The following CDK5RAP2 variants were observed in gnomAD, a reference collection of about 807,000 sequenced individuals.
The protein encoded by CDK5RAP2 is CDK5 regulatory subunit-associated protein 2.
Under a neutral mutation model 232.9 loss-of-function variants are expected in CDK5RAP2, and 147 were observed. That is an observed-to-expected ratio of 0.63 (90% CI 0.55 to 0.72). The LOEUF is 0.72. CDK5RAP2 is among the 30% of genes least tolerant of loss of function. The pLI, the probability that CDK5RAP2 is intolerant of heterozygous loss-of-function variation, is 0.00. For synonymous variants in CDK5RAP2, 833 were observed against 833.7 expected, an observed-to-expected ratio of 1.00 and a Z score of 0.01; for missense variants, 2,195 against 2,231.5, an observed-to-expected ratio of 0.98 and a Z score of 0.33.
intron 14 of CDK5RAP2, among the ~76,000 whole-genome samples, chr9:120,479,826 A>C (rs2038209669): frequency 6.6e-6 from 1 of 152,210 alleles, no homozygotes; most frequent in South Asian, 2.1e-4. Flanking sequence ...CAACTGATGA[A>C]ATTCAAATGA....
At chr9:120,508,620 C>CA (rs1169688884) in intron 12 of CDK5RAP2, among the ~76,000 whole-genome samples, 1 of 152,202 alleles carries the variant, frequency 6.6e-6, no homozygotes, top group Non-Finnish European at 1.5e-5. Context: ...GAGCCAGGCT[C>CA]ATTCATGGAC....
In CDK5RAP2 at chr9:120,403,235, T is replaced by C. The variant is rs1460667252; in HGVS notation, c.5042-164A>G. 1.6e-6 allele frequency: 1 copy of C among 644,514 alleles called. No individual in the cohort carries two copies. The highest frequency in any genetic ancestry group is 1.8e-5 in the African/African-American group (1 of 54,874). 39.9% of individuals were successfully genotyped at this position (644,514 alleles called of 1,614,324 possible). On this transcript the variant is annotated intron_variant, in intron 33 of 37. Transcript: ENST00000349780. This position sits in a 1 kb window ranked among gnomAD's most constrained non-coding sequence, Gnocchi z 4.2. ...AAAGAGGCACGCTCCTGGACCTCTG[T>C]ATATTACCCCACACTGGGCTTATGA...
At chr9:120,477,766 T>C (rs76628072) in intron 14 of CDK5RAP2, among the ~76,000 whole-genome samples, 3 of 152,212 alleles carry the variant, frequency 2.0e-5, no homozygotes, top group African/African-American at 7.2e-5. Context: ...CTGCTGTTCA[T>C]CGTTTTTAAA....
rs776249709 is a variant in CDK5RAP2, at chr9:120,518,570, T to C, written c.1168A>G (p.Lys390Glu). ...CGCAGTCTGTGGTTCTCTGTACTCTTGGTGAGGTTTTGTGAGCGCAGCGCA... is the reference window on the plus strand; with the variant it reads ...CGCAGTCTGTGGTTCTCTGTACTCTCGGTGAGGTTTTGTGAGCGCAGCGCA... ...SAALRSQNLT[K>E]STENHRLRRS... Residue 390 changes from lysine (K) to glutamate (E), a missense_variant, in exon 12 of 38, where the codon AAG becomes GAG. Lys to Glu is a moderately conservative substitution (Grantham distance 56, BLOSUM62 1). Coordinates refer to ENST00000349780, the MANE Select transcript of CDK5RAP2 (RefSeq NM_018249.6). 6.2e-7 allele frequency: 1 copy of C among 1,613,638 alleles called. No individual in the cohort carries two copies. The highest frequency in any genetic ancestry group is 1.3e-5 in the African/African-American group (1 of 74,818).
intron 26 of CDK5RAP2, among the ~76,000 whole-genome samples, chr9:120,420,827 G>A (rs559260460): frequency 1.3e-5 from 2 of 152,348 alleles, no homozygotes; most frequent in South Asian, 4.1e-4. Context: ...GCTTGCTGCT[G>A]GCTTGCAGAA....
At chr9:120,411,539 T>A in intron 28 of CDK5RAP2, 65 bp from the exon 29 acceptor site, 1 of 880,846 alleles carries the variant, frequency 1.1e-6, no homozygotes, top group Non-Finnish European at 1.9e-6. Flanking sequence ...CAGAACTTTC[T>A]AGAAAGCAGT....
intron 28 of CDK5RAP2, among the ~76,000 whole-genome samples, 166 bp from the exon 29 acceptor site, chr9:120,411,640 G>A (rs2033855786): frequency 6.6e-6 from 1 of 152,218 alleles, no homozygotes; most frequent in Non-Finnish European, 1.5e-5. Flanking sequence ...ATGAGAGTAA[G>A]CTTGAAAGAG....
At chr9:120,528,855 G>A in intron 8 of CDK5RAP2, 58 bp from the exon 9 acceptor site, 1 of 1,185,310 alleles carries the variant, frequency 8.4e-7, no homozygotes, top group Non-Finnish European at 1.3e-6. Flanking sequence ...AGCTTCTCCA[G>A]AACAATTAGA....
chr9:120,519,621 C>T (rs1005550964), intron 11 of CDK5RAP2, among the ~76,000 whole-genome samples: 1 of 152,192 alleles, frequency 6.6e-6, no homozygotes, highest in Non-Finnish European at 1.5e-5. Context: ...CAGCAACTGC[C>T]CATCCAACCT....
chr9:120,443,835 G>A, intron 22 of CDK5RAP2, 93 bp from the exon 23 acceptor site: 1 of 1,557,980 alleles, frequency 6.4e-7, no homozygotes, highest in Non-Finnish European at 8.7e-7. Context: ...GATACAACAG[G>A]GAAAATAAAA....
At chr9:120,420,460 C>G (rs1052352653) in intron 26 of CDK5RAP2, among the ~76,000 whole-genome samples, 2 of 152,238 alleles carry the variant, frequency 1.3e-5, no homozygotes, top group African/African-American at 4.8e-5. Context: ...AGAGCCCAGC[C>G]CAAAACCATG....
At chr9:120,540,021 G>C (rs2041560331) in intron 5 of CDK5RAP2, among the ~76,000 whole-genome samples, 1 of 152,146 alleles carries the variant, frequency 6.6e-6, no homozygotes, top group African/African-American at 2.4e-5. Context: ...CTACCACTTA[G>C]GGCATAAAAA....
chr9:120,474,638 G>C (rs1403098377), intron 15 of CDK5RAP2, among the ~76,000 whole-genome samples: 1 of 152,216 alleles, frequency 6.6e-6, no homozygotes, highest in Non-Finnish European at 1.5e-5. Flanking sequence ...CTTCACTGCG[G>C]AACACCGGGT....
At chr9:120,424,487 G>A (rs1383656588) in intron 25 of CDK5RAP2, among the ~76,000 whole-genome samples, 1 of 152,080 alleles carries the variant, frequency 6.6e-6, no homozygotes, top group Admixed American at 6.5e-5. Flanking sequence ...TAATGGGCAG[G>A]GACAACTGTG....
chr9:120,448,669 G>A (rs559716818), intron 21 of CDK5RAP2, among the ~76,000 whole-genome samples: 12 of 152,234 alleles, frequency 7.9e-5, no homozygotes, highest in African/African-American at 2.4e-4. Context: ...CCGTGTCTCC[G>A]CTGCAAATCT....
intron 3 of CDK5RAP2, among the ~76,000 whole-genome samples, chr9:120,566,720 C>A (rs538150383): frequency 1.3e-5 from 2 of 152,334 alleles, no homozygotes; most frequent in South Asian, 4.2e-4. Flanking sequence ...GGCCACAGGG[C>A]ACCCAGGAGA....
chr9:120,476,660 C>A (rs1011253571), intron 15 of CDK5RAP2, among the ~76,000 whole-genome samples: 4 of 144,956 alleles, frequency 2.8e-5, no homozygotes, highest in Middle Eastern at 6.8e-3. Flanking sequence ...GCCTGGGCAA[C>A]AGAGCAAGAC....
intron 11 of CDK5RAP2, among the ~76,000 whole-genome samples, chr9:120,522,899 T>C (rs1353548253): frequency 1.3e-5 from 2 of 152,220 alleles, no homozygotes; most frequent in African/African-American, 2.4e-5. Context: ...ATTCAAACTA[T>C]GTATACCTCA....
chr9:120,410,079 A>G (rs566638731), intron 29 of CDK5RAP2, among the ~76,000 whole-genome samples: 2 of 152,250 alleles, frequency 1.3e-5, no homozygotes, highest in East Asian at 3.9e-4. Flanking sequence ...GGGCCTTCTC[A>G]TGCATCGCCC....
Sources: allele counts gnomAD v4.1 joint callset (sites outside exome capture counted in the v4.1 genomes callset), GRCh38; gene constraint gnomAD v4.1.1; non-coding constraint Gnocchi (gnomAD v3.1); transcripts MANE v1.5; gene names NCBI Gene and HGNC (gene_info 2026-07-23, HGNC 2026-07-21).